FCRL4: variants seen among roughly 807,000 people sequenced by gnomAD.
The protein encoded by FCRL4 is Fc receptor-like protein 4.
FCRL4 carries 43 observed loss-of-function variants against 64.1 expected under a neutral mutation model. The observed-to-expected ratio is 0.67, with a 90% CI of 0.53 to 0.87. The LOEUF (loss-of-function observed/expected upper bound fraction) is 0.87, where lower values mean the gene tolerates loss of function less well. Ranked by LOEUF, FCRL4 falls within the 40% of genes least tolerant of loss-of-function variation. The pLI, the probability that FCRL4 is intolerant of heterozygous loss-of-function variation, is 0.00. For synonymous variants in FCRL4, 253 were observed against 239.8 expected (o/e 1.05, Z -0.51); for missense variants, 656 against 613.5 (o/e 1.07, Z -0.73).
intron 1 of FCRL4, among the ~76,000 whole-genome samples, chr1:157,597,192 T>A (rs1466225353): frequency 6.6e-6 from 1 of 152,220 alleles, no homozygotes; most frequent in East Asian, 1.9e-4. Flanking sequence ...CAGTGTGGCA[T>A]GCCAAGTATA....
chr1:157,578,647 A>G (rs1652473610), intron 9 of FCRL4, 105 bp from the exon 10 acceptor site: 1 of 1,392,738 alleles, frequency 7.2e-7, no homozygotes, highest in Non-Finnish European at 1.0e-6. Context: ...ATAATGGAAC[A>G]ATTATCTGGG....
intron 3 of FCRL4, among the ~76,000 whole-genome samples, chr1:157,588,665 A>G (rs112627015): frequency 1.3e-5 from 2 of 152,182 alleles, no homozygotes; most frequent in African/African-American, 4.8e-5. Flanking sequence ...ACTGTGTTGA[A>G]TGCCTACTCC....
chr1:157,586,989 G>A (rs964174148), intron 5 of FCRL4, among the ~76,000 whole-genome samples: 1 of 152,092 alleles, frequency 6.6e-6, no homozygotes, highest in Admixed American at 6.6e-5. Flanking sequence ...TCCCTAGCAG[G>A]GCACCTCATT....
chr1:157,580,473 G>A, intron 7 of FCRL4, 125 bp from the exon 8 acceptor site: 1 of 995,410 alleles, frequency 1.0e-6, no homozygotes, highest in Non-Finnish European at 1.6e-6. Context: ...CCCAGTCCTG[G>A]GTTTTCATGA....
intron 8 of FCRL4, 61 bp downstream of exon 8, chr1:157,580,260 A>C (rs1424233601): frequency 1.3e-6 from 2 of 1,574,518 alleles, no homozygotes; most frequent in African/African-American, 2.7e-5. Context: ...TCATAACCCC[A>C]CAGTTTTGCA....
rs1652563359 is a variant in FCRL4 at position 157,581,623 on chromosome 1, C to A, written c.1157G>T (p.Gly386Val). The A allele has an allele frequency of 6.2e-7, 1 of 1,613,860 alleles. No individual in the cohort carries two copies. The highest frequency in any genetic ancestry group is 1.7e-4 in the Middle Eastern group (1 of 6,034). ...TVRETPGNRD[G>V]LVAAGATGGL... is the part of the protein sequence containing the mutation. Reference sequence around the variant, plus strand: ...TCCAGTGGCTCCCGCGGCGACAAGGCCATCTCTGTTGCCTGGGGTCTCTAA... The same window carrying A: ...TCCAGTGGCTCCCGCGGCGACAAGGACATCTCTGTTGCCTGGGGTCTCTAA... The change falls in exon 7 of 12, where the codon GGC (glycine) becomes GTC (valine). Residue 386 changes from glycine to valine, a missense_variant. Physicochemically the swap from Gly to Val is moderately radical, Grantham distance 109. Transcript: ENST00000271532.
At chr1:157,597,885 C>G in intron 1 of FCRL4, 29 bp downstream of exon 1, 1 of 1,604,666 alleles carries the variant, frequency 6.2e-7, no homozygotes, top group Non-Finnish European at 8.5e-7. Flanking sequence ...AGCTTTGCAG[C>G]AAGCAAAGGT....
chr1:157,580,644 AG>A, intron 7 of FCRL4: 1 of 369,296 alleles, frequency 2.7e-6, no homozygotes. Flanking sequence ...TCACTTGGAG[AG>A]TAGTGAGCTG....
At chr1:157,589,565 G>T in intron 2 of FCRL4, 107 bp from the exon 3 acceptor site, 2 of 1,371,770 alleles carry the variant, frequency 1.5e-6, no homozygotes, top group Non-Finnish European at 2.0e-6. Context: ...TCCCTAAGAT[G>T]CCCCCGGATG....
At chr1:157,593,501 G>A (rs1489994976) in intron 2 of FCRL4, among the ~76,000 whole-genome samples, 1 of 152,188 alleles carries the variant, frequency 6.6e-6, no homozygotes, top group Non-Finnish European at 1.5e-5. Context: ...ACTAGTAGAA[G>A]AAAAGTTGCT....
chr1:157,596,178 A>G, intron 2 of FCRL4, 150 bp downstream of exon 2: 1 of 832,156 alleles, frequency 1.2e-6, no homozygotes, highest in Non-Finnish European at 1.9e-6. Context: ...TCTTAGGGTC[A>G]GAGTCACCAC....
At chr1:157,578,670 TGGGACACTTTA>T (rs1375482446) in intron 9 of FCRL4, 89 bp downstream of exon 9, 29 of 1,414,262 alleles carry the variant, frequency 2.1e-5, no homozygotes, top group Non-Finnish European at 2.0e-6. Context: ...TATCTGGATT[TGGGACACTTTA>T]GGGAGTCCAG....
chr1:157,576,238 G>A (rs912109064), intron 10 of FCRL4, among the ~76,000 whole-genome samples: 6 of 152,172 alleles, frequency 3.9e-5, no homozygotes, highest in African/African-American at 1.4e-4. Flanking sequence ...GGTGAACCAT[G>A]CATATTAGAA....
intron 10 of FCRL4, 70 bp from the exon 11 acceptor site, chr1:157,575,800 T>C: frequency 6.7e-7 from 1 of 1,496,928 alleles, no homozygotes; most frequent in Non-Finnish European, 9.3e-7. Flanking sequence ...TGTTAGCTGA[T>C]GCCCTAGAGT....
intron 6 of FCRL4, among the ~76,000 whole-genome samples, chr1:157,585,367 TTTCTTTCTTTCTTTCTTTCTTTCTTTCC>T (rs1359224815): frequency 0.025 from 2,930 of 117,830 alleles, 58 homozygotes; most frequent in Non-Finnish European, 0.037. Flanking sequence ...TCTTTCTTTC[TTTCTTTCTTTCTTTCTTTCTTTCTTTCC>T]TTCTTTCTTT....
At chr1:157,585,390 CTTTCCTTCTTTCTTTCTTT>C (rs1652664066) in intron 6 of FCRL4, among the ~76,000 whole-genome samples, 1 of 86,518 alleles carries the variant, frequency 1.2e-5, no homozygotes, top group African/African-American at 4.2e-5. Flanking sequence ...TTCTTTCTTT[CTTTCCTTCTTTCTTTCTTT>C]CTTTCTTTCT....
At chr1:157,581,722 T>A in intron 6 of FCRL4, 78 bp from the exon 7 acceptor site, 1 of 1,117,984 alleles carries the variant, frequency 8.9e-7, no homozygotes, top group Non-Finnish European at 1.3e-6. Flanking sequence ...CTTGGTTGGG[T>A]AACGAGCCCT....
chr1:157,589,376 A>G lies in FCRL4; in HGVS notation c.135T>C (p.Asn45=). 6.2e-7 allele frequency: 1 copy of G among 1,614,142 alleles called. No homozygotes were observed. ...TCTCTGTTGCATAGAACTGAAATCC[A>G]TTGCAAGTCAGAGTCACTCTCTCTC... ...FKGERVTLTC[N]GFQFYATEKT... The change falls in exon 3 of 12, where the codon AAT becomes AAC. Residue 45 remains asparagine, a synonymous_variant. Transcript: ENST00000271532.
chr1:157,586,578 C>G (rs1652702626), intron 5 of FCRL4, 123 bp from the exon 6 acceptor site: 3 of 797,422 alleles, frequency 3.8e-6, no homozygotes, highest in South Asian at 1.8e-5. Context: ...CAGGCACTAG[C>G]ATTGTGGCCA....
Sources: gnomAD v4.1 joint callset for allele counts (sites outside exome capture counted in the v4.1 genomes callset) on GRCh38, gnomAD v4.1.1 for gene constraint, MANE v1.5 for transcripts, NCBI Gene and HGNC (gene_info 2026-07-23, HGNC 2026-07-21) for gene names.